Variants in NRG1 observed in about 807,000 individuals in gnomAD.
The protein encoded by NRG1 is neuregulin 1, also known as pro-neuregulin-1, membrane-bound isoform.
NRG1 carries 18 observed loss-of-function variants against 63.8 expected under a neutral mutation model. The ratio of observed to expected loss-of-function variants is 0.28; its 90% CI spans 0.19 to 0.42. The LOEUF is 0.42. NRG1 is among the 10% of genes least tolerant of loss of function. NRG1 has a pLI of 1.00. For synonymous variants in NRG1, 302 were observed against 301.3 expected (o/e 1.00, Z -0.02); for missense variants, 762 against 814.7 (o/e 0.94, Z 0.79).
chr8:32,273,544 A>T (rs1851774432), intron 1 of NRG1, among the ~76,000 whole-genome samples: 1 of 152,230 alleles, frequency 6.6e-6, no homozygotes, highest in South Asian at 2.1e-4. Context: ...GTGATTACAG[A>T]GAATAGTTGC....
chr8:31,793,883 C>T (rs1820946384), intron 1 of NRG1, among the ~76,000 whole-genome samples: 3 of 152,010 alleles, frequency 2.0e-5, no homozygotes, highest in South Asian at 2.1e-4. Context: ...TATATTCTCC[C>T]TTCCTCCTTC....
At chr8:32,377,297 T>C (rs1163672477) in intron 1 of NRG1, among the ~76,000 whole-genome samples, 2 of 152,190 alleles carry the variant, frequency 1.3e-5, no homozygotes, top group African/African-American at 4.8e-5. Context: ...ACAAGTATTT[T>C]GAGATTCTAA....
At chr8:31,641,209 T>G (rs1205313048) in intron 1 of NRG1, among the ~76,000 whole-genome samples, 1 of 152,166 alleles carries the variant, frequency 6.6e-6, no homozygotes, top group Non-Finnish European at 1.5e-5. Flanking sequence ...GAAGGGGCAG[T>G]GCACTGACAT....
chr8:31,825,553 T>C (rs749494808), intron 1 of NRG1, among the ~76,000 whole-genome samples: 27 of 152,170 alleles, frequency 1.8e-4, no homozygotes, highest in Non-Finnish European at 3.1e-4. Context: ...AGGTCAGGAC[T>C]ATTGTTTTCT....
chr8:31,886,771 A>G (rs1232330487), intron 1 of NRG1, among the ~76,000 whole-genome samples: 1 of 152,112 alleles, frequency 6.6e-6, no homozygotes, highest in Non-Finnish European at 1.5e-5. Flanking sequence ...TAGATCATGC[A>G]TGCTTTGGAA....
At chr8:32,091,915 G>A (rs1293500712) in intron 1 of NRG1, among the ~76,000 whole-genome samples, 1 of 152,052 alleles carries the variant, frequency 6.6e-6, no homozygotes, top group Non-Finnish European at 1.5e-5. Flanking sequence ...CTATGGCCTC[G>A]ATCTGATGTG....
chr8:31,769,568 G>A (rs1039786270), intron 1 of NRG1, among the ~76,000 whole-genome samples: 2 of 152,188 alleles, frequency 1.3e-5, no homozygotes, highest in African/African-American at 2.4e-5. Flanking sequence ...AGACAAGGCA[G>A]AAAATATGCC....
intron 1 of NRG1, among the ~76,000 whole-genome samples, chr8:31,858,735 A>G (rs1336136641): frequency 6.6e-6 from 1 of 152,220 alleles, no homozygotes; most frequent in Non-Finnish European, 1.5e-5. Flanking sequence ...ATGTAGTGAA[A>G]ACTGCAACAC....
intron 1 of NRG1, among the ~76,000 whole-genome samples, chr8:31,816,218 A>G (rs1823426560): frequency 6.6e-6 from 1 of 152,200 alleles, no homozygotes; most frequent in South Asian, 2.1e-4. Context: ...AGACTCACAC[A>G]TGAGCACCTC....
intron 1 of NRG1, among the ~76,000 whole-genome samples, chr8:32,306,700 CT>C (rs1423356608): frequency 6.6e-6 from 1 of 152,196 alleles, no homozygotes; most frequent in East Asian, 1.9e-4. Context: ...GACGAGGTTA[CT>C]TTTTCCAGTA....
At chr8:31,724,127 C>T (rs1305112589) in intron 1 of NRG1, among the ~76,000 whole-genome samples, 1 of 152,028 alleles carries the variant, frequency 6.6e-6, no homozygotes, top group Non-Finnish European at 1.5e-5. Flanking sequence ...TGGTTCATGA[C>T]TGTCATACCA....
intron 1 of NRG1, among the ~76,000 whole-genome samples, chr8:32,035,457 C>T (rs1439710609): frequency 6.6e-6 from 1 of 151,328 alleles, no homozygotes; most frequent in Non-Finnish European, 1.5e-5. Flanking sequence ...CTATCAAGTC[C>T]ACTTGATCCA....
At chr8:32,491,959 T>C (rs554758743) in intron 1 of NRG1, among the ~76,000 whole-genome samples, 84 of 152,304 alleles carry the variant, frequency 5.5e-4, no homozygotes, top group Non-Finnish European at 1.0e-3. Context: ...AAATTCTGTA[T>C]TGAAAATGTC....
At chr8:31,856,044 C>G (rs2129609743) in intron 1 of NRG1, among the ~76,000 whole-genome samples, 1 of 151,378 alleles carries the variant, frequency 6.6e-6, no homozygotes, top group East Asian at 1.9e-4. Flanking sequence ...CTGCCCTTAA[C>G]ATTTTTTCCT....
intron 1 of NRG1, among the ~76,000 whole-genome samples, chr8:31,936,235 G>A (rs147525506): frequency 2.6e-5 from 4 of 152,300 alleles, no homozygotes; most frequent in African/African-American, 7.2e-5. Context: ...ATATCGCGGT[G>A]TACAATAAAT....
rs12681063 is a variant in NRG1 at position 32,429,926 on chromosome 8, C to A, written c.38-165902C>A. Among the ~76,000 whole-genome samples the A allele has an allele frequency of 7.2e-5, 11 of 152,136 alleles. No individual in the cohort carries two copies. The East Asian group carries it at 2.1e-3, about 29-fold the overall frequency. Reference sequence around the variant, plus strand: ...AACACATATCCATATGGTGTTTGTGCATATATTTTGCTTTTTCTAATCTTA... The same window carrying A: ...AACACATATCCATATGGTGTTTGTGAATATATTTTGCTTTTTCTAATCTTA... On this transcript the variant is annotated intron_variant, in intron 1 of 10. Transcript: ENST00000519301.
At chr8:32,735,511 G>A (rs1824797469) in intron 6 of NRG1, among the ~76,000 whole-genome samples, 1 of 152,166 alleles carries the variant, frequency 6.6e-6, no homozygotes, top group Non-Finnish European at 1.5e-5. Context: ...AATGAGGCTG[G>A]TGAAGTGGAT....
intron 1 of NRG1, among the ~76,000 whole-genome samples, chr8:31,946,686 G>A (rs327360): frequency 0.9 from 137,371 of 152,130 alleles, 62,851 homozygotes; most frequent in African/African-American, 0.98. Flanking sequence ...CTGTCATGAG[G>A]ATTAGAAAAT....
chr8:32,230,034 G>T (rs538801465), intron 1 of NRG1, among the ~76,000 whole-genome samples: 1 of 152,044 alleles, frequency 6.6e-6, no homozygotes, highest in East Asian at 1.9e-4. Context: ...TTCACACCTT[G>T]CCCTTTACTA....
Sources: gnomAD v4.1 joint callset for allele counts (sites outside exome capture counted in the v4.1 genomes callset) on GRCh38, gnomAD v4.1.1 for gene constraint, MANE v1.5 for transcripts, NCBI Gene and HGNC (gene_info 2026-07-23, HGNC 2026-07-21) for gene names.